CNTN3: variants seen among roughly 807,000 people sequenced by gnomAD.
The protein encoded by CNTN3 is contactin-3.
Under a neutral mutation model 119.1 loss-of-function variants are expected in CNTN3, and 60 were observed. That is an observed-to-expected ratio of 0.50 (90% CI 0.41 to 0.62). CNTN3 has a LOEUF of 0.62. CNTN3 is among the 20% of genes least tolerant of loss of function. The pLI, the probability that CNTN3 is intolerant of heterozygous loss-of-function variation, is 0.00. For synonymous variants in CNTN3, 450 were observed against 438.7 expected (o/e 1.03, Z -0.32); for missense variants, 1,101 against 1,242.4 (o/e 0.89, Z 1.71).
intron 20 of CNTN3, among the ~76,000 whole-genome samples, chr3:74,279,604 G>GT (rs777271717): frequency 2.0e-5 from 3 of 150,726 alleles, no homozygotes; most frequent in Non-Finnish European, 4.4e-5. Flanking sequence ...ACGCAAAGGC[G>GT]TAAGAATGAT....
At chr3:74,480,152 C>G (rs1039226068) in intron 4 of CNTN3, among the ~76,000 whole-genome samples, 2 of 151,966 alleles carry the variant, frequency 1.3e-5, no homozygotes, top group African/African-American at 4.8e-5. Context: ...AAATATGAAT[C>G]AACTGGAAAC....
intron 5 of CNTN3, among the ~76,000 whole-genome samples, chr3:74,418,219 A>G (rs1003237205): frequency 2.0e-5 from 3 of 152,220 alleles, no homozygotes; most frequent in African/African-American, 7.2e-5. Context: ...AAAGAGACAA[A>G]GTATTGCTAT....
Position 74,267,269 on chromosome 3 carries a change from A to G in CNTN3, c.2814T>C (p.Tyr938=), listed in dbSNP as rs1303465484. ...AMENESEVTG[Y]KVFYRTSSQN... The stretch of plus-strand genomic sequence containing the variant: ...CATTGCAAATGAGAAAACTTACTTT[A>G]TATCCTGTTACTTCTGACTCATTCT... Residue 938 remains tyrosine, a synonymous_variant, in exon 21 of 23, where the codon TAT becomes TAC. Coordinates refer to ENST00000263665, the MANE Select transcript of CNTN3 (RefSeq NM_020872.3). 25 of 1,602,174 alleles carry G rather than the reference A, an allele frequency of 1.6e-5. No homozygotes were observed. In the Admixed American group the frequency reaches 2.7e-4, roughly 17 times the overall value.
chr3:74,569,755 C>T (rs1440666744), intron 1 of CNTN3, among the ~76,000 whole-genome samples: 1 of 152,140 alleles, frequency 6.6e-6, no homozygotes, highest in Admixed American at 6.5e-5. Context: ...TTAGCTGTGT[C>T]CTCTGCTCGG....
intron 20 of CNTN3, among the ~76,000 whole-genome samples, chr3:74,281,775 A>T (rs989534603): frequency 6.6e-6 from 1 of 152,196 alleles, no homozygotes; most frequent in African/African-American, 2.4e-5. Flanking sequence ...AGTGGAATTT[A>T]TGGAAATGGG....
chr3:74,608,266 G>A (rs868556118), intron 1 of CNTN3, among the ~76,000 whole-genome samples: 3 of 152,074 alleles, frequency 2.0e-5, no homozygotes, highest in African/African-American at 4.8e-5. Flanking sequence ...GACTATTCTC[G>A]GCTCTATGAC....
intron 1 of CNTN3, among the ~76,000 whole-genome samples, chr3:74,600,797 TAAGAGC>T (rs1166586554): frequency 6.6e-6 from 1 of 151,966 alleles, no homozygotes; most frequent in African/African-American, 2.4e-5. Flanking sequence ...TTCGTGGGTT[TAAGAGC>T]ATGCCAGGCC....
At chr3:74,548,089 A>G (rs753893778) in intron 1 of CNTN3, among the ~76,000 whole-genome samples, 36 of 152,316 alleles carry the variant, frequency 2.4e-4, no homozygotes, top group African/African-American at 7.9e-4. Context: ...TTGGTATACA[A>G]TCGACCACCC....
intron 4 of CNTN3, among the ~76,000 whole-genome samples, chr3:74,445,508 T>G (rs1015200941): frequency 1.3e-5 from 2 of 152,134 alleles, no homozygotes; most frequent in African/African-American, 2.4e-5. Context: ...AAATGATCCA[T>G]GTACCACGGC....
At chr3:74,523,396 A>G (rs1703571619) in intron 1 of CNTN3, among the ~76,000 whole-genome samples, 1 of 151,928 alleles carries the variant, frequency 6.6e-6, no homozygotes, top group African/African-American at 2.4e-5. Context: ...AACATGAGAT[A>G]CATTAATCTG....
chr3:74,395,029 GA>G lies in CNTN3; in HGVS notation c.455-23631del, dbSNP rs546894661. On this transcript the variant is annotated intron_variant, in intron 5 of 22. Transcript: ENST00000263665. ...TGCAAATAATATAAATTAATCTAAT[GA>G]TTTTTTTTAAATTGTAATAAACAAA... 7.8e-4 allele frequency among the ~76,000 whole-genome samples: 118 copies of G among 152,118 alleles called. 1 individual carries two copies. The highest frequency in any genetic ancestry group is 2.5e-3 in the African/African-American group (104 of 41,514).
chr3:74,309,318 T>C (rs1304822045), intron 13 of CNTN3, among the ~76,000 whole-genome samples: 2 of 152,170 alleles, frequency 1.3e-5, no homozygotes, highest in African/African-American at 4.8e-5. Flanking sequence ...TTGGCCAGGC[T>C]GGTCTTGAAC....
chr3:74,457,508 G>A (rs962822791), intron 4 of CNTN3, among the ~76,000 whole-genome samples: 4 of 151,776 alleles, frequency 2.6e-5, no homozygotes, highest in African/African-American at 7.2e-5. Flanking sequence ...AACAAGAGCC[G>A]CCCCCCAAAA....
At chr3:74,541,461 A>G (rs879361970) in intron 1 of CNTN3, among the ~76,000 whole-genome samples, 5 of 152,200 alleles carry the variant, frequency 3.3e-5, no homozygotes, top group Admixed American at 6.5e-5. Context: ...ACTCAAAAAC[A>G]TATCAAATTG....
intron 1 of CNTN3, among the ~76,000 whole-genome samples, chr3:74,583,541 T>C (rs1023730585): frequency 3.3e-5 from 5 of 152,086 alleles, no homozygotes; most frequent in African/African-American, 1.2e-4. Flanking sequence ...GATTTAGAAG[T>C]GGCTGACTCG....
At chr3:74,268,801 C>T (rs984306129) in intron 20 of CNTN3, among the ~76,000 whole-genome samples, 7 of 152,066 alleles carry the variant, frequency 4.6e-5, no homozygotes, top group African/African-American at 1.7e-4. Flanking sequence ...GGCCTGACAG[C>T]ACTATAAAAG....
chr3:74,335,323 T>C (rs1459298846), intron 12 of CNTN3, among the ~76,000 whole-genome samples: 3 of 152,172 alleles, frequency 2.0e-5, no homozygotes, highest in Non-Finnish European at 4.4e-5. Flanking sequence ...AGACATTTAA[T>C]GGTAGCCTGG....
At chr3:74,501,174 C>T (rs1344799196) in intron 2 of CNTN3, among the ~76,000 whole-genome samples, 1 of 151,570 alleles carries the variant, frequency 6.6e-6, no homozygotes, top group African/African-American at 2.4e-5. Flanking sequence ...ACCCAATAGT[C>T]TTGCCTTGGA....
In CNTN3 at chr3:74,472,997, T is replaced by C. The variant is rs899853890; in HGVS notation, c.358+13459A>G. On this transcript the variant is annotated intron_variant, in intron 4 of 22. Coordinates refer to ENST00000263665, the MANE Select transcript of CNTN3 (RefSeq NM_020872.3). ...TCATCCTTAAAACTGTTTGCATTTGTTTAATCTTTCTTCAAACTTCTCTTT... is the reference window on the plus strand; with the variant it reads ...TCATCCTTAAAACTGTTTGCATTTGCTTAATCTTTCTTCAAACTTCTCTTT... 5.9e-5 allele frequency among the ~76,000 whole-genome samples: 9 copies of C among 152,016 alleles called. 1 individual carries two copies. Among genetic ancestry groups the C allele is most frequent in the Admixed American group, 2.0e-4 (3 of 15,254 alleles).
Sources: allele counts gnomAD v4.1 joint callset (sites outside exome capture counted in the v4.1 genomes callset), GRCh38; gene constraint gnomAD v4.1.1; transcripts MANE v1.5; gene names NCBI Gene and HGNC (gene_info 2026-07-23, HGNC 2026-07-21).